The following COL21A1 variants were observed in gnomAD, a reference collection of about 807,000 sequenced individuals.
COL21A1 encodes the protein collagen type XXI alpha 1 chain.
A neutral mutation model predicts 137.9 loss-of-function variants in COL21A1; 149 were observed. That is an observed-to-expected ratio of 1.08 (90% CI 0.95 to 1.24). COL21A1 has a LOEUF of 1.24. COL21A1 is among the 50% of genes most tolerant of loss of function. The probability of loss-of-function intolerance (pLI) is 0.00; values close to 1 mark genes in which losing one functional copy is unlikely to be tolerated. For missense variants in COL21A1, 1,167 were observed against 1,158.4 expected (o/e 1.01, Z -0.11); for synonymous variants, 456 against 391.5 (o/e 1.16, Z -1.95).
At chr6:56,097,936 A>AAATATATATAAATATATAAATATATAT (rs1769616779) in intron 17 of COL21A1, among the ~76,000 whole-genome samples, 1 of 43,252 alleles carries the variant, frequency 2.3e-5, no homozygotes, top group Non-Finnish European at 3.7e-5. Flanking sequence ...TAAATATATA[A>AAATATATATAAATATATAAATATATAT]AAATATATAT....
chr6:56,357,264 C>G (rs1331017625), intron 1 of COL21A1, among the ~76,000 whole-genome samples: 1 of 152,196 alleles, frequency 6.6e-6, no homozygotes, highest in Non-Finnish European at 1.5e-5. Context: ...CATCATACTT[C>G]ACTGATTCAA....
At chr6:56,376,064 G>A (rs1381108771) in intron 1 of COL21A1, among the ~76,000 whole-genome samples, 1 of 152,176 alleles carries the variant, frequency 6.6e-6, no homozygotes, top group African/African-American at 2.4e-5. Flanking sequence ...TGTTTAATGG[G>A]TAAAAGGAAG....
At chr6:56,280,139 A>G (rs559285335) in intron 1 of COL21A1, among the ~76,000 whole-genome samples, 2 of 152,316 alleles carry the variant, frequency 1.3e-5, no homozygotes, top group African/African-American at 4.8e-5. Context: ...TCATTGATTC[A>G]ATGAATATTT....
intron 7 of COL21A1, among the ~76,000 whole-genome samples, chr6:56,165,564 AAG>A (rs1776509079): frequency 6.6e-6 from 1 of 152,066 alleles, no homozygotes; most frequent in Admixed American, 6.5e-5. Context: ...ACACTTTTAA[AAG>A]AGATTTATCT....
chr6:56,281,023 A>C (rs75908268), intron 1 of COL21A1, among the ~76,000 whole-genome samples: 2,879 of 152,224 alleles, frequency 0.019, 97 homozygotes, highest in African/African-American at 0.066. Context: ...AAGATAAAAA[A>C]AGTAATTTAC....
intron 17 of COL21A1, among the ~76,000 whole-genome samples, chr6:56,098,623 AT>A (rs1393279988): frequency 2.7e-4 from 15 of 56,374 alleles, no homozygotes; most frequent in African/African-American, 7.5e-4. Flanking sequence ...ATAAATATAT[AT>A]AAATATATAT....
At chr6:56,323,910 G>A (rs1453627680) in intron 1 of COL21A1, among the ~76,000 whole-genome samples, 1 of 152,110 alleles carries the variant, frequency 6.6e-6, no homozygotes, top group African/African-American at 2.4e-5. Flanking sequence ...GATGGGGAGA[G>A]GGTTCAGGGC....
At chr6:56,355,769 T>C (rs1379538069) in intron 1 of COL21A1, among the ~76,000 whole-genome samples, 1 of 152,198 alleles carries the variant, frequency 6.6e-6, no homozygotes, top group Admixed American at 6.5e-5. Flanking sequence ...AGTTGAGGGT[T>C]GTTGGAGCCA....
At chr6:56,206,697 AATATATATATATAT>A (rs1204449084) in intron 1 of COL21A1, among the ~76,000 whole-genome samples, 2 of 32,330 alleles carry the variant, frequency 6.2e-5, no homozygotes, top group Admixed American at 8.0e-4. Flanking sequence ...TAAATAAATA[AATATATATATATAT>A]ATATATATAT....
chr6:56,122,783 C>T (rs938864474), intron 16 of COL21A1, among the ~76,000 whole-genome samples: 2 of 152,134 alleles, frequency 1.3e-5, no homozygotes, highest in Non-Finnish European at 1.5e-5. Context: ...TTATTTAACA[C>T]TTATTTTTTG....
chr6:56,123,010 T>C (rs943013112), intron 16 of COL21A1, among the ~76,000 whole-genome samples: 2 of 152,226 alleles, frequency 1.3e-5, no homozygotes, highest in African/African-American at 2.4e-5. Context: ...TCTTGGGGTA[T>C]ATGGATTTAT....
chr6:56,128,441 C>T (rs1427649933), intron 12 of COL21A1, among the ~76,000 whole-genome samples: 3 of 152,088 alleles, frequency 2.0e-5, no homozygotes, highest in African/African-American at 4.8e-5. Context: ...AGAATCTCTC[C>T]GTGGGTAGAG....
At chr6:56,326,001 CATATATTATGTATATGTATATACATAAT>C in intron 1 of COL21A1, among the ~76,000 whole-genome samples, 1 of 2,576 alleles carries the variant, frequency 3.9e-4, no homozygotes, top group South Asian at 9.4e-3. Context: ...TATATACATA[CATATATTATGTATATGTATATACATAAT>C]ATATTATGTA....
At chr6:56,299,666 C>A (rs1435056526) in intron 1 of COL21A1, among the ~76,000 whole-genome samples, 1 of 151,938 alleles carries the variant, frequency 6.6e-6, no homozygotes, top group Non-Finnish European at 1.5e-5. Flanking sequence ...ATTTTCTGAT[C>A]AGACTTCCAT....
At chr6:56,264,638 A>G (rs1476712211) in intron 1 of COL21A1, among the ~76,000 whole-genome samples, 1 of 152,190 alleles carries the variant, frequency 6.6e-6, no homozygotes, top group Admixed American at 6.5e-5. Context: ...TTCCAATAAA[A>G]TGCCTACAAG....
intron 1 of COL21A1, among the ~76,000 whole-genome samples, chr6:56,358,094 T>C (rs1463405017): frequency 1.3e-5 from 2 of 152,220 alleles, no homozygotes; most frequent in Non-Finnish European, 2.9e-5. Flanking sequence ...TGATATTAAA[T>C]CATTTAGCAA....
At chr6:56,339,188 T>TGC (rs1765409537) in intron 1 of COL21A1, among the ~76,000 whole-genome samples, 2 of 151,932 alleles carry the variant, frequency 1.3e-5, no homozygotes, top group East Asian at 1.9e-4. Flanking sequence ...TCCAAAGCCT[T>TGC]CTTCCTTCAT....
At chr6:56,342,851 G>C (rs1765502927) in intron 1 of COL21A1, among the ~76,000 whole-genome samples, 1 of 152,126 alleles carries the variant, frequency 6.6e-6, no homozygotes, top group Admixed American at 6.6e-5. Flanking sequence ...CACCCTGAAA[G>C]GTCTGTGCAC....
chr6:56,120,813 A>G (rs1285590054), intron 16 of COL21A1, among the ~76,000 whole-genome samples: 1 of 152,130 alleles, frequency 6.6e-6, no homozygotes, highest in Middle Eastern at 3.4e-3. Context: ...AAAAAAAAAA[A>G]AAAACTAAAA....
Sources: allele counts gnomAD v4.1 joint callset (sites outside exome capture counted in the v4.1 genomes callset), GRCh38; gene constraint gnomAD v4.1.1; transcripts MANE v1.5; gene names NCBI Gene and HGNC (gene_info 2026-07-23, HGNC 2026-07-21).